TRAPPC12: variants seen among roughly 807,000 people sequenced by gnomAD.
TRAPPC12 encodes trafficking protein particle complex subunit 12.
TRAPPC12 carries 61 observed loss-of-function variants against 69.2 expected under a neutral mutation model. The ratio of observed to expected loss-of-function variants is 0.88; its 90% CI spans 0.72 to 1.09. TRAPPC12 has a LOEUF of 1.09. Ranked by LOEUF, TRAPPC12 falls within the 50% of genes least tolerant of loss-of-function variation. The pLI is 0.00. For synonymous variants in TRAPPC12, 469 were observed against 438.9 expected, an observed-to-expected ratio of 1.07 and a Z score of -0.86; for missense variants, 1,101 against 1,016.4, an observed-to-expected ratio of 1.08 and a Z score of -1.13.
chr2:3,417,030 C>T (rs948507258), intron 3 of TRAPPC12, among the ~76,000 whole-genome samples: 7 of 152,040 alleles, frequency 4.6e-5, no homozygotes, highest in African/African-American at 1.7e-4. Flanking sequence ...TCTGGGTCAC[C>T]TCTCCCTGGC....
rs1438517447 is a variant in TRAPPC12 at position 3,387,707 on chromosome 2, G to A, written c.84G>A (p.Gly28=). 1.3e-6 allele frequency: 2 copies of A among 1,591,178 alleles called. No individual in the cohort carries two copies. The highest frequency in any genetic ancestry group is 8.6e-7 in the Non-Finnish European group (1 of 1,169,194). The change falls in exon 2 of 12, where the codon GGG becomes GGA. Residue 28 remains glycine, a synonymous_variant. Coordinates refer to ENST00000324266, the MANE Select transcript of TRAPPC12 (RefSeq NM_016030.6). The part of the protein sequence containing the change: ...PPQLAPPEEQ[G]LLFQEETIDL... The stretch of plus-strand genomic sequence containing the variant: ...AGCTCGCGCCTCCGGAGGAGCAGGG[G>A]TTGCTCTTCCAGGAGGAAACCATCG...
chr2:3,431,954 A>C (rs139270435), intron 5 of TRAPPC12, among the ~76,000 whole-genome samples: 2,238 of 152,308 alleles, frequency 0.015, 25 homozygotes, highest in Non-Finnish European at 0.023. Flanking sequence ...GTTGTTTGGA[A>C]TTACCCCTCT....
Position 3,387,884 on chromosome 2 carries a change from AGTG to A in TRAPPC12, c.262_264del (p.Val88del), listed in dbSNP as rs1660573708. On this transcript the variant is annotated inframe_deletion, in exon 2 of 12. Coordinates refer to ENST00000324266, the MANE Select transcript of TRAPPC12 (RefSeq NM_016030.6). ...AGGGCGACGCGGGCGACCTGGGCCGAGTGCGGGACGAAGCTGAGCCCGGAGGGG... is the reference window on the plus strand; with the variant it reads ...AGGGCGACGCGGGCGACCTGGGCCGACGGGACGAAGCTGAGCCCGGAGGGG... 6.3e-7 allele frequency: 1 copy of A among 1,577,848 alleles called. No homozygotes were observed. The highest frequency in any genetic ancestry group is 1.8e-5 in the Admixed American group (1 of 57,052).
chr2:3,383,825 C>T (rs1166507478), intron 1 of TRAPPC12, among the ~76,000 whole-genome samples: 3 of 143,042 alleles, frequency 2.1e-5, no homozygotes, highest in Admixed American at 7.5e-5. Context: ...AAAATCGTCT[C>T]TTCCTTTGAT....
intron 9 of TRAPPC12, among the ~76,000 whole-genome samples, chr2:3,472,813 C>G (rs1666122648): frequency 6.6e-6 from 1 of 152,138 alleles, no homozygotes. Flanking sequence ...AGACTGGACT[C>G]AACTCTGACT....
intron 3 of TRAPPC12, among the ~76,000 whole-genome samples, chr2:3,415,264 A>G (rs1662308389): frequency 1.3e-5 from 2 of 152,216 alleles, no homozygotes; most frequent in South Asian, 2.1e-4. Flanking sequence ...ATGACGTGAA[A>G]TGTCCAACAC....
At chr2:3,469,049 C>G (rs1665949016) in intron 9 of TRAPPC12, among the ~76,000 whole-genome samples, 1 of 152,182 alleles carries the variant, frequency 6.6e-6, no homozygotes, top group Non-Finnish European at 1.5e-5. Context: ...CAGCAGAGAG[C>G]TCTGTTCCGA....
chr2:3,443,143 G>A lies in TRAPPC12; in HGVS notation c.1418-636G>A, dbSNP rs576909271. Among the ~76,000 whole-genome samples the A allele has an allele frequency of 1.1e-4, 17 of 152,328 alleles. No homozygotes were observed. In the South Asian group the frequency reaches 1.2e-3, roughly 11 times the overall value. ...TCCTGAGCTTCTTCCTCTTCTTAGC[G>A]CACGCAAAGCCAGGCAGCTCTGGGT... On this transcript the variant is annotated intron_variant, in intron 5 of 11. Transcript: ENST00000324266.
chr2:3,407,100 CAG>C (rs1262138562), intron 3 of TRAPPC12, among the ~76,000 whole-genome samples: 2 of 152,178 alleles, frequency 1.3e-5, no homozygotes, highest in Admixed American at 6.5e-5. Context: ...TAAGTTATGT[CAG>C]AGTTTCCTAA....
intron 3 of TRAPPC12, among the ~76,000 whole-genome samples, chr2:3,420,727 A>G (rs2103052051): frequency 6.6e-6 from 1 of 152,288 alleles, no homozygotes; most frequent in East Asian, 1.9e-4. Flanking sequence ...GCTGAGACTC[A>G]TTGCCCTCCT....
intron 1 of TRAPPC12, among the ~76,000 whole-genome samples, chr2:3,382,348 T>C (rs1326303125): frequency 6.6e-6 from 1 of 152,148 alleles, no homozygotes; most frequent in African/African-American, 2.4e-5. Flanking sequence ...TTAGCCGGTA[T>C]GGTCTTGATC....
chr2:3,443,978 C>G lies in TRAPPC12; in HGVS notation c.1530+87C>G, dbSNP rs1664368717. ...AGGACATGCCCGTGCTGTTCCCTGC[C>G]CGTCCTGCCCCATGCACCATCGCTG... On this transcript the variant is annotated intron_variant, in intron 6 of 11. Transcript: ENST00000324266. 4.1e-6 allele frequency: 4 copies of G among 965,236 alleles called. No homozygotes were observed. In the South Asian group the frequency reaches 5.8e-5, roughly 14 times the overall value. The allele number at this position is 965,236 out of a possible 1,614,324, so 59.8% of individuals were successfully genotyped here.
intron 5 of TRAPPC12, among the ~76,000 whole-genome samples, chr2:3,428,585 G>GT (rs1663248971): frequency 6.6e-6 from 1 of 152,142 alleles, no homozygotes; most frequent in African/African-American, 2.4e-5. Context: ...AATCATGAAG[G>GT]TTTTTTAAAA....
Position 3,387,863 on chromosome 2 carries a change from C to T in TRAPPC12, c.240C>T (p.Gly80=). 6.3e-7 allele frequency: 1 copy of T among 1,593,906 alleles called. No individual in the cohort carries two copies. Among genetic ancestry groups the T allele is most frequent in the Non-Finnish European group, 8.6e-7 (1 of 1,166,878 alleles). Residue 80 remains glycine, a synonymous_variant, in exon 2 of 12, where the codon GGC becomes GGT. Transcript: ENST00000324266. ...VLISDSPNSE[G]DAGDLGRVRD... is the part of the protein sequence containing the mutation. ...TCTCTGACTCCCCCAACAGCGAGGG[C>T]GACGCGGGCGACCTGGGCCGAGTGC...
At chr2:3,409,750 T>TAAAAAAA (rs71396989) in intron 3 of TRAPPC12, among the ~76,000 whole-genome samples, 2 of 54,872 alleles carry the variant, frequency 3.6e-5, no homozygotes, top group African/African-American at 6.2e-5. Flanking sequence ...ACTTTGTCTT[T>TAAAAAAA]AAAAAAAAAA....
intron 9 of TRAPPC12, among the ~76,000 whole-genome samples, chr2:3,476,089 G>A (rs370673973): frequency 2.2e-4 from 33 of 152,272 alleles, no homozygotes; most frequent in African/African-American, 7.5e-4. Context: ...AAACGGCTTC[G>A]GACTGTGCAG....
chr2:3,477,084 A>T (rs35880599), intron 9 of TRAPPC12, among the ~76,000 whole-genome samples: 14,930 of 152,270 alleles, frequency 0.098, 900 homozygotes, highest in Middle Eastern at 0.13. Context: ...CTCAGGAGTC[A>T]GGGCTGGGGC....
chr2:3,403,502 A>G (rs1277018073), intron 3 of TRAPPC12, among the ~76,000 whole-genome samples: 1 of 152,186 alleles, frequency 6.6e-6, no homozygotes, highest in African/African-American at 2.4e-5. Flanking sequence ...GAGTGCTGGG[A>G]TTATAGGCGT....
chr2:3,452,146 TG>T (rs1343443692), intron 6 of TRAPPC12, among the ~76,000 whole-genome samples: 1 of 152,190 alleles, frequency 6.6e-6, no homozygotes, highest in Non-Finnish European at 1.5e-5. Flanking sequence ...GCTGGAGAAC[TG>T]GGCTCCGGGA....
Sources: gnomAD v4.1 joint callset for allele counts (sites outside exome capture counted in the v4.1 genomes callset) on GRCh38, gnomAD v4.1.1 for gene constraint, MANE v1.5 for transcripts, NCBI Gene and HGNC (gene_info 2026-07-23, HGNC 2026-07-21) for gene names.